The following SUCO variants were observed in gnomAD, a reference collection of about 807,000 sequenced individuals.
SUCO encodes the protein SUN domain containing ossification factor.
In SUCO, 57 loss-of-function variants were observed where a neutral mutation model predicts 148.1. The ratio of observed to expected loss-of-function variants is 0.38; its 90% CI spans 0.31 to 0.48. The LOEUF is 0.48. Among genes scored for constraint, SUCO ranks in the 20% least tolerant of loss-of-function variants. The pLI is 0.96. For missense variants in SUCO, 1,331 were observed against 1,468.2 expected (o/e 0.91, Z 1.53); for synonymous variants, 470 against 502.7 (o/e 0.93, Z 0.87).
intron 9 of SUCO, 140 bp downstream of exon 9, chr1:172,570,870 G>A: frequency 1.3e-5 from 7 of 545,350 alleles, no homozygotes; most frequent in East Asian, 3.2e-5. Context: ...GCAAAACTGA[G>A]GACAAAATGC....
chr1:172,566,170 A>G (rs944892749), intron 6 of SUCO, among the ~76,000 whole-genome samples: 1 of 152,348 alleles, frequency 6.6e-6, no homozygotes, highest in Non-Finnish European at 1.5e-5. Flanking sequence ...GATGACTCTC[A>G]AAAGAGCTTT....
At chr1:172,553,194 G>T in intron 2 of SUCO, 66 bp from the exon 3 acceptor site, 4 of 1,411,248 alleles carry the variant, frequency 2.8e-6, no homozygotes, top group Non-Finnish European at 3.7e-6. Flanking sequence ...AACCATCTTC[G>T]TATTGCTTTA....
At chr1:172,579,005 C>G (rs1655667877) in intron 14 of SUCO, among the ~76,000 whole-genome samples, 197 bp from the exon 15 acceptor site, 1 of 151,752 alleles carries the variant, frequency 6.6e-6, no homozygotes, top group Non-Finnish European at 1.5e-5. Context: ...AGTTATTTTC[C>G]TTGGTTTATA....
chr1:172,576,274 A>G (rs113790865), intron 11 of SUCO, among the ~76,000 whole-genome samples: 6 of 151,560 alleles, frequency 4.0e-5, no homozygotes, highest in African/African-American at 1.2e-4. Context: ...TTAAAGTACT[A>G]TTGAATTAAT....
chr1:172,541,774 G>C, intron 1 of SUCO: 1 of 705,186 alleles, frequency 1.4e-6, no homozygotes, highest in African/African-American at 1.9e-5. Flanking sequence ...ACAGGATTCT[G>C]GTGGACAAAA....
rs1027698007 is a variant in SUCO at position 172,553,171 on chromosome 1, A to C, written c.178-89A>C. The C allele has an allele frequency of 2.1e-5, 28 of 1,360,802 alleles. No homozygotes were observed. The African/African-American group carries it at 4.0e-4, about 19-fold the overall frequency. 84.3% of individuals were successfully genotyped at this position (1,360,802 alleles called of 1,614,324 possible). On this transcript the variant is annotated intron_variant, in intron 2 of 23. Transcript: ENST00000263688. ...TAAACAAGGCAGTTTTTTGGTTTTA[A>C]AGTATGGAAAAAAACCATCTTCGTA...
chr1:172,584,942 T>G (rs1441995572), intron 15 of SUCO, 76 bp from the exon 16 acceptor site: 2 of 954,206 alleles, frequency 2.1e-6, no homozygotes, highest in Non-Finnish European at 3.1e-6. Context: ...TCTAAATGAT[T>G]TTTTGACTAT....
In SUCO at chr1:172,608,767, A is replaced by G. The variant is rs1479972856; in HGVS notation, c.3286A>G (p.Ile1096Val). ...GKEVDPNDLY[I>V]VEPLKFSPEK... ...TACAGTAGACCCAAATGATTTGTAC[A>G]TTGTAGAACCCCTCAAGTTTTCTCC... Residue 1096 changes from isoleucine (I) to valine (V), a missense_variant, in exon 23 of 24, where the codon ATT becomes GTT. Transcript: ENST00000263688. The G allele has an allele frequency of 5.0e-6, 8 of 1,584,212 alleles. No homozygotes were observed. The highest frequency in any genetic ancestry group is 4.5e-5 in the East Asian group (2 of 44,568).
chr1:172,577,724 T>C (rs777553042), intron 12 of SUCO, 40 bp from the exon 13 acceptor site: 1 of 1,597,636 alleles, frequency 6.3e-7, no homozygotes, highest in South Asian at 1.1e-5. Context: ...TCTTACATGC[T>C]CTCTGCTGGC....
At chr1:172,551,021 C>T (rs1234076941) in intron 1 of SUCO, 1 of 260,600 alleles carries the variant, frequency 3.8e-6, no homozygotes, top group Non-Finnish European at 6.0e-6. Context: ...TTCATAAGTA[C>T]TATTAACCTC....
In SUCO at chr1:172,575,643, G is replaced by C. The variant is rs771717369; in HGVS notation, c.1263+20G>C. ...GTCAAGGTAATGTTTACACATACAG[G>C]ACTATGTTCTATAATGAAAATATAC... On this transcript the variant is annotated intron_variant, in intron 11 of 23. Coordinates refer to ENST00000263688, the MANE Select transcript of SUCO (RefSeq NM_014283.5). 1.3e-6 allele frequency: 2 copies of C among 1,485,178 alleles called. No homozygotes were observed. The highest frequency in any genetic ancestry group is 1.9e-6 in the Non-Finnish European group (2 of 1,066,870). The allele number at this position is 1,485,178 out of a possible 1,614,324, so 92.0% of individuals were successfully genotyped here.
rs143548492 is a variant in SUCO, at chr1:172,554,523, G to A, written c.288+1153G>A. 3.5e-3 allele frequency among the ~76,000 whole-genome samples: 529 copies of A among 152,234 alleles called. 4 individuals carry two copies. The highest frequency in any genetic ancestry group is 0.011 in the African/African-American group (464 of 41,542). On this transcript the variant is annotated intron_variant, in intron 3 of 23. Transcript: ENST00000263688. ...AGGCCGGGCACAGTGGATCACCTGA[G>A]GTCAGGAGTTCGAGACCAGCCTGGC...
chr1:172,557,918 A>G (rs1653868227), intron 6 of SUCO, 124 bp downstream of exon 6: 1 of 724,882 alleles, frequency 1.4e-6, no homozygotes, highest in Non-Finnish European at 2.2e-6. Flanking sequence ...AGACAATAAC[A>G]TGTGGAACTA....
intron 6 of SUCO, among the ~76,000 whole-genome samples, chr1:172,563,683 C>T (rs770052397): frequency 2.6e-5 from 4 of 152,188 alleles, no homozygotes; most frequent in African/African-American, 4.8e-5. Flanking sequence ...AATTTGCAGC[C>T]TGACTTGTGG....
At chr1:172,598,027 T>A (rs1379444881) in intron 19 of SUCO, among the ~76,000 whole-genome samples, 1 of 152,224 alleles carries the variant, frequency 6.6e-6, no homozygotes, top group Non-Finnish European at 1.5e-5. Context: ...ATCACAAAGA[T>A]TTTTTCCTTT....
intron 18 of SUCO, among the ~76,000 whole-genome samples, chr1:172,590,568 G>A (rs755996057): frequency 2.6e-5 from 4 of 151,958 alleles, no homozygotes; most frequent in Non-Finnish European, 4.4e-5. Context: ...AAACATCTAG[G>A]CACAAGTGTC....
chr1:172,604,996 C>T (rs564123534), intron 22 of SUCO, among the ~76,000 whole-genome samples: 1 of 151,688 alleles, frequency 6.6e-6, no homozygotes, highest in Non-Finnish European at 1.5e-5. Context: ...ACAGATATCT[C>T]TTTGCTCATT....
intron 9 of SUCO, among the ~76,000 whole-genome samples, chr1:172,571,224 G>C (rs1180387858): frequency 6.6e-6 from 1 of 152,246 alleles, no homozygotes; most frequent in Non-Finnish European, 1.5e-5. Context: ...ACGCCTGACT[G>C]GTTTTCGTAT....
intron 1 of SUCO, among the ~76,000 whole-genome samples, chr1:172,539,398 A>G (rs945481123): frequency 1.3e-5 from 2 of 152,220 alleles, no homozygotes; most frequent in Non-Finnish European, 2.9e-5. Flanking sequence ...TTAAAAGTCA[A>G]ATTGTACATG....
Sources: gnomAD v4.1 joint callset for allele counts (sites outside exome capture counted in the v4.1 genomes callset) on GRCh38, gnomAD v4.1.1 for gene constraint, MANE v1.5 for transcripts, NCBI Gene and HGNC (gene_info 2026-07-23, HGNC 2026-07-21) for gene names.